The following RSU1 variants were observed in gnomAD, a reference collection of about 807,000 sequenced individuals.
RSU1 encodes the protein rsu-1.
In RSU1, 26 loss-of-function variants were observed where a neutral mutation model predicts 31.1. The ratio of observed to expected loss-of-function variants is 0.84; its 90% confidence interval spans 0.61 to 1.16. The LOEUF (loss-of-function observed/expected upper bound fraction) is 1.16. RSU1 is among the 50% of genes most tolerant of loss of function. The pLI is 0.00. For synonymous variants in RSU1, 164 were observed against 136.3 expected (o/e 1.20, Z -1.41); for missense variants, 320 against 339.1 (o/e 0.94, Z 0.44).
chr10:16,788,968 C>A (rs566612517), intron 2 of RSU1, among the ~76,000 whole-genome samples: 51 of 152,294 alleles, frequency 3.3e-4, no homozygotes, highest in African/African-American at 1.2e-3. Context: ...CTGAGAGTCA[C>A]TGAAGTCAAA....
rs112081139 is a variant in RSU1, at chr10:16,764,925, G to A, written c.161-415C>T. On this transcript the variant is annotated intron_variant, in intron 3 of 8. Transcript: ENST00000345264. ...TTTTCTTGCATTGCCGTCAGAAGAA[G>A]AAATGCTTCTTCGTATATGATTAGC... Among the ~76,000 whole-genome samples the A allele has an allele frequency of 7.2e-3, 1,083 of 150,706 alleles. 9 individuals are homozygous for A. Among genetic ancestry groups the A allele is most frequent in the Non-Finnish European group, 0.011 (737 of 67,738 alleles).
chr10:16,646,027 T>C (rs1344950403), intron 8 of RSU1, among the ~76,000 whole-genome samples: 1 of 76,800 alleles, frequency 1.3e-5, no homozygotes. Flanking sequence ...TATGTGTATA[T>C]ATATGTGTAT....
At chr10:16,733,955 A>C (rs1836574050) in intron 7 of RSU1, among the ~76,000 whole-genome samples, 1 of 152,270 alleles carries the variant, frequency 6.6e-6, no homozygotes, top group African/African-American at 2.4e-5. Flanking sequence ...CAAAATGACC[A>C]AACAATGAAC....
intron 8 of RSU1, among the ~76,000 whole-genome samples, chr10:16,616,371 C>CAAAAAAA (rs529296931): frequency 8.8e-5 from 8 of 90,942 alleles, no homozygotes; most frequent in African/African-American, 1.9e-4. Flanking sequence ...GCCTACCAAC[C>CAAAAAAA]AAAAAAAAAA....
chr10:16,734,321 G>C (rs185789962), intron 7 of RSU1, among the ~76,000 whole-genome samples: 1 of 152,154 alleles, frequency 6.6e-6, no homozygotes, highest in Non-Finnish European at 1.5e-5. Flanking sequence ...TCCTGCACTA[G>C]GCATTCATGA....
At position 16,691,611 on chromosome 10, in the gene RSU1, A is replaced by T. The variant is rs150491215; in HGVS notation, c.731+3412T>A. ...CCTAGCATAGCTCATGTACCTTGTG[A>T]CCTCCCAGCAGAGCATCATGTAGAT... On this transcript the variant is annotated intron_variant, in intron 8 of 8. Coordinates refer to ENST00000345264, the MANE Select transcript of RSU1 (RefSeq NM_012425.4). 2.9e-4 allele frequency among the ~76,000 whole-genome samples: 43 copies of T among 150,660 alleles called. No individual in the cohort carries two copies. The East Asian group carries it at 7.6e-3, about 27-fold the overall frequency.
rs918301608 is a variant in RSU1, at chr10:16,669,603, T to A, written c.731+25420A>T. Among the ~76,000 whole-genome samples, 6 of 152,134 alleles carry A rather than the reference T, an allele frequency of 3.9e-5. No homozygotes were observed. In the East Asian group the frequency reaches 7.7e-4, roughly 20 times the overall value. ...TCTTCTTTTTTTTGTTTGTTTTATG[T>A]GTGTGTGTTGTTCCCCTCCCTGTGT... On this transcript the variant is annotated intron_variant, in intron 8 of 8. Coordinates refer to ENST00000345264, the MANE Select transcript of RSU1 (RefSeq NM_012425.4).
At chr10:16,717,794 C>T (rs1588490142) in intron 7 of RSU1, among the ~76,000 whole-genome samples, 1 of 151,964 alleles carries the variant, frequency 6.6e-6, no homozygotes, top group South Asian at 2.1e-4. Context: ...ATGTCTATCC[C>T]GCCTCTCAAG....
intron 4 of RSU1, among the ~76,000 whole-genome samples, chr10:16,755,471 A>G (rs1309098963): frequency 6.6e-6 from 1 of 152,044 alleles, no homozygotes; most frequent in East Asian, 1.9e-4. Context: ...TTACAATGAC[A>G]AAGATTGTAC....
At chr10:16,691,379 G>GTT (rs371190541) in intron 8 of RSU1, among the ~76,000 whole-genome samples, 1,860 of 133,730 alleles carry the variant, frequency 0.014, 57 homozygotes, top group East Asian at 0.11. Context: ...TTTTTGTGCA[G>GTT]TTTTTTTTTT....
chr10:16,773,489 G>T (rs921452863), intron 3 of RSU1, among the ~76,000 whole-genome samples: 1 of 152,176 alleles, frequency 6.6e-6, no homozygotes, highest in African/African-American at 2.4e-5. Context: ...CTTCGTCCAT[G>T]GAGCTCCTAC....
chr10:16,670,112 A>T (rs1416700564), intron 8 of RSU1, among the ~76,000 whole-genome samples: 1 of 152,222 alleles, frequency 6.6e-6, no homozygotes, highest in East Asian at 1.9e-4. Flanking sequence ...CAATTCAGTA[A>T]GTTGTTTTCT....
chr10:16,666,086 GATTA>G (rs1303317968), intron 8 of RSU1, among the ~76,000 whole-genome samples: 1 of 151,948 alleles, frequency 6.6e-6, no homozygotes, highest in Non-Finnish European at 1.5e-5. Context: ...GCTTTTTTAA[GATTA>G]ATTTTGATCT....
At chr10:16,725,320 A>G (rs1264989071) in intron 7 of RSU1, among the ~76,000 whole-genome samples, 2 of 152,170 alleles carry the variant, frequency 1.3e-5, no homozygotes, top group African/African-American at 2.4e-5. Context: ...AGGAAATTCA[A>G]TGCCCAAAGA....
At chr10:16,679,649 G>T (rs2131547069) in intron 8 of RSU1, among the ~76,000 whole-genome samples, 1 of 152,276 alleles carries the variant, frequency 6.6e-6, no homozygotes, top group East Asian at 1.9e-4. Context: ...GTGGACGTGA[G>T]GTGGAAAGCA....
intron 7 of RSU1, among the ~76,000 whole-genome samples, chr10:16,749,200 A>C (rs891655152): frequency 2.6e-5 from 4 of 152,236 alleles, no homozygotes; most frequent in African/African-American, 9.7e-5. Context: ...CTTAAGAACC[A>C]GACATAACAG....
chr10:16,593,543 A>C, intron 8 of RSU1, 47 bp from the exon 9 acceptor site: 1 of 1,436,006 alleles, frequency 7.0e-7, no homozygotes, highest in Non-Finnish European at 9.8e-7. Context: ...TTGCCAACAC[A>C]AGATAGCTTT....
intron 7 of RSU1, among the ~76,000 whole-genome samples, chr10:16,731,253 C>A (rs1346933389): frequency 6.6e-6 from 1 of 151,926 alleles, no homozygotes; most frequent in Non-Finnish European, 1.5e-5. Flanking sequence ...GCAAATGAAA[C>A]CCCGTCTCTA....
chr10:16,720,697 A>G (rs1836239103), intron 7 of RSU1, among the ~76,000 whole-genome samples: 2 of 152,270 alleles, frequency 1.3e-5, no homozygotes, highest in African/African-American at 2.4e-5. Flanking sequence ...GTGTATGTGC[A>G]TATGTGCACA....
Sources: gnomAD v4.1 joint callset for allele counts (sites outside exome capture counted in the v4.1 genomes callset) on GRCh38, gnomAD v4.1.1 for gene constraint, MANE v1.5 for transcripts, NCBI Gene and HGNC (gene_info 2026-07-23, HGNC 2026-07-21) for gene names.